Variants in CALN1 observed in about 807,000 individuals in gnomAD.
The protein encoded by CALN1 is calcium-binding protein 8.
Under a neutral mutation model 30.6 loss-of-function variants are expected in CALN1, and 17 were observed. The observed-to-expected ratio is 0.56, with a 90% CI of 0.38 to 0.83. CALN1 has a LOEUF of 0.83. Ranked by LOEUF, CALN1 falls within the 40% of genes least tolerant of loss-of-function variation. The probability of loss-of-function intolerance (pLI) is 0.00; values close to 1 mark genes in which losing one functional copy is unlikely to be tolerated. For missense variants in CALN1, 291 were observed against 354.9 expected (o/e 0.82, Z 1.45); for synonymous variants, 156 against 131.4 (o/e 1.19, Z -1.28).
chr7:71,967,678 C>T (rs1039692553), intron 5 of CALN1, among the ~76,000 whole-genome samples: 1 of 149,394 alleles, frequency 6.7e-6, no homozygotes, highest in Non-Finnish European at 1.5e-5. Flanking sequence ...AGTCTGTGCC[C>T]AGAATAAAGA....
intron 3 of CALN1, among the ~76,000 whole-genome samples, chr7:72,146,359 C>T (rs1007492576): frequency 1.2e-4 from 19 of 152,216 alleles, no homozygotes; most frequent in Admixed American, 4.6e-4. Flanking sequence ...GAGTGAACTC[C>T]CATTCACAAT....
At chr7:72,120,398 G>C (rs898322051) in intron 3 of CALN1, among the ~76,000 whole-genome samples, 7 of 151,980 alleles carry the variant, frequency 4.6e-5, no homozygotes, top group Non-Finnish European at 8.8e-5. Flanking sequence ...TTTGATGGTT[G>C]ATCAGTATTC....
At chr7:72,392,104 C>A (rs1805616015) in intron 2 of CALN1, among the ~76,000 whole-genome samples, 1 of 152,194 alleles carries the variant, frequency 6.6e-6, no homozygotes, top group Non-Finnish European at 1.5e-5. Flanking sequence ...TCTTACAACC[C>A]AGATACCAAG....
chr7:72,379,012 TTAAAC>T (rs1804733862), intron 2 of CALN1, among the ~76,000 whole-genome samples: 1 of 152,254 alleles, frequency 6.6e-6, no homozygotes. Context: ...TTTTAGAATG[TTAAAC>T]CAACTTTCCA....
Position 71,978,439 on chromosome 7 carries a change from AT to A in CALN1, c.501+45217del, listed in dbSNP as rs541132456. Among the ~76,000 whole-genome samples the A allele has an allele frequency of 2.5e-4, 37 of 150,768 alleles. 1 individual carries two copies. The East Asian group carries it at 6.1e-3, about 25-fold the overall frequency. ...GGCACCCCCCCACCACGCCCAGCTA[AT>A]TTTTTTTGTATTTTTAGTAGAGACG... On this transcript the variant is annotated intron_variant, in intron 5 of 6. Transcript: ENST00000395275.
chr7:72,136,455 T>G (rs1809519980), intron 3 of CALN1, among the ~76,000 whole-genome samples: 1 of 152,220 alleles, frequency 6.6e-6, no homozygotes, highest in Non-Finnish European at 1.5e-5. Context: ...CTTAAGGGAA[T>G]GTTGTGGCTG....
At chr7:72,184,411 C>T (rs756830937) in intron 3 of CALN1, among the ~76,000 whole-genome samples, 10 of 152,022 alleles carry the variant, frequency 6.6e-5, no homozygotes, top group African/African-American at 1.9e-4. Context: ...GTGTGATACA[C>T]GAATTTGTAT....
chr7:72,126,488 T>C (rs1160875663), intron 3 of CALN1, among the ~76,000 whole-genome samples: 2 of 152,182 alleles, frequency 1.3e-5, no homozygotes, highest in Admixed American at 6.5e-5. Context: ...TTTGGGTAGG[T>C]ACTTCTTTTC....
At position 71,897,965 on chromosome 7, in the gene CALN1, C is replaced by CAAAAA. The variant is rs1217388366; in HGVS notation, c.502-87478_502-87474dup. On this transcript the variant is annotated intron_variant, in intron 5 of 6. Transcript: ENST00000395275. The stretch of plus-strand genomic sequence containing the variant: ...GCCAAGGAGTAGTGTTGGAAAAAAA[C>CAAAAA]AAAAAACAAAAAAAAAAAAAAAAAA... Among the ~76,000 whole-genome samples the CAAAAA allele has an allele frequency of 2.0e-3, 111 of 55,088 alleles. 1 individual carries two copies. Among genetic ancestry groups the CAAAAA allele is most frequent in the African/African-American group, 5.1e-3 (91 of 17,798 alleles). The allele number at this position is 55,088 out of a possible 152,430, so 36.1% of individuals were successfully genotyped here. A position where few individuals can be genotyped will look rare whatever the true frequency, so the allele number is the denominator to read the frequency against.
intron 1 of CALN1, among the ~76,000 whole-genome samples, chr7:72,422,533 G>A (rs1807647397): frequency 1.3e-5 from 2 of 152,092 alleles, no homozygotes; most frequent in Admixed American, 6.5e-5. Context: ...CAGAGGGGAG[G>A]CTTAGTTTAG....
intron 5 of CALN1, among the ~76,000 whole-genome samples, chr7:71,982,909 T>C (rs1001753934): frequency 6.6e-6 from 1 of 152,172 alleles, no homozygotes; most frequent in South Asian, 2.1e-4. Context: ...ATGTCCAACA[T>C]GGCGGCTCCA....
At chr7:71,790,187 A>G (rs992588544) in intron 6 of CALN1, among the ~76,000 whole-genome samples, 6 of 151,504 alleles carry the variant, frequency 4.0e-5, no homozygotes, top group Admixed American at 2.0e-4. Context: ...AATCAAAGAA[A>G]GAGAAAGAGA....
chr7:72,153,582 G>A (rs1359754665), intron 3 of CALN1, among the ~76,000 whole-genome samples: 1 of 152,008 alleles, frequency 6.6e-6, no homozygotes, highest in African/African-American at 2.4e-5. Context: ...TACTCGGGAG[G>A]CTGAAGCAGA....
At chr7:71,987,373 C>T (rs1286615932) in intron 5 of CALN1, among the ~76,000 whole-genome samples, 3 of 152,190 alleles carry the variant, frequency 2.0e-5, no homozygotes, top group African/African-American at 7.2e-5. Flanking sequence ...TGTGAGGACA[C>T]AGGAGCAGGG....
intron 3 of CALN1, among the ~76,000 whole-genome samples, chr7:72,255,008 G>T (rs769843262): frequency 6.6e-6 from 1 of 152,138 alleles, no homozygotes; most frequent in African/African-American, 2.4e-5. Flanking sequence ...GGTCAGGCTG[G>T]TCTTTAACTC....
At chr7:71,930,119 GA>G (rs749068123) in intron 5 of CALN1, among the ~76,000 whole-genome samples, 3 of 152,084 alleles carry the variant, frequency 2.0e-5, no homozygotes, top group African/African-American at 7.2e-5. Context: ...AGTGACTAAA[GA>G]AAAAAATCTG....
At chr7:72,274,843 G>A (rs1250531681) in intron 3 of CALN1, among the ~76,000 whole-genome samples, 1 of 152,076 alleles carries the variant, frequency 6.6e-6, no homozygotes, top group Non-Finnish European at 1.5e-5. Context: ...GTTTGGCTGG[G>A]TGATTCCCAA....
intron 3 of CALN1, among the ~76,000 whole-genome samples, chr7:72,137,395 T>G (rs1415296022): frequency 6.6e-6 from 1 of 152,154 alleles, no homozygotes; most frequent in Non-Finnish European, 1.5e-5. Context: ...GATATAATAA[T>G]GAAAGCAAAT....
chr7:72,279,756 G>A (rs1464145022), intron 2 of CALN1, among the ~76,000 whole-genome samples: 1 of 152,208 alleles, frequency 6.6e-6, no homozygotes, highest in Non-Finnish European at 1.5e-5. Flanking sequence ...CATAGCTCCT[G>A]GCCCAACTTG....
Sources: gnomAD v4.1 joint callset for allele counts (sites outside exome capture counted in the v4.1 genomes callset) on GRCh38, gnomAD v4.1.1 for gene constraint, MANE v1.5 for transcripts, NCBI Gene and HGNC (gene_info 2026-07-23, HGNC 2026-07-21) for gene names.